The following SLC2A11 variants were observed in gnomAD, a reference collection of about 807,000 sequenced individuals.
The protein encoded by SLC2A11 is solute carrier family 2 member 11.
In SLC2A11, 43 loss-of-function variants were observed where a neutral mutation model predicts 52.1. The ratio of observed to expected loss-of-function variants is 0.82; its 90% CI spans 0.65 to 1.06. SLC2A11 has a LOEUF of 1.06. Among genes scored for constraint, SLC2A11 ranks in the 50% least tolerant of loss-of-function variants. SLC2A11 has a pLI of 0.00. For missense variants in SLC2A11, 582 were observed against 654.2 expected (o/e 0.89, Z 1.20); for synonymous variants, 261 against 277.6 (o/e 0.94, Z 0.59).
chr22:23,884,935 T>G lies in SLC2A11; in HGVS notation c.*86T>G. 21 of 1,087,274 alleles carry G rather than the reference T, an allele frequency of 1.9e-5. No homozygotes were observed. Among genetic ancestry groups the G allele is most frequent in the South Asian group, 4.4e-5 (3 of 68,868 alleles). The allele number at this position is 1,087,274 out of a possible 1,614,324, so 67.4% of individuals were successfully genotyped here. ...GCCCTGGTCCTCACTCCCTCCTGCA[T>G]TCCTCATTTAAGGAGTGTTTATTGA... On this transcript the variant is annotated 3_prime_UTR_variant, in exon 12 of 12. Coordinates refer to ENST00000316185, the MANE Select transcript of SLC2A11 (RefSeq NM_001024939.4). The surrounding 1 kb of genome is among the most constrained non-coding windows in gnomAD (Gnocchi z 4.3).
chr22:23,877,784 G>A lies in SLC2A11; in HGVS notation c.609G>A (p.Ala203=), dbSNP rs1202085649. The A allele has an allele frequency of 1.2e-5, 19 of 1,609,086 alleles. No homozygotes were observed. The highest frequency in any genetic ancestry group is 1.6e-5 in the Non-Finnish European group (19 of 1,178,028). Residue 203 remains alanine (A), a synonymous_variant, in exon 6 of 12, where the codon GCG becomes GCA. Transcript: ENST00000316185. ...TGGCCAGCTGCCTGGTGCCCGGGGC[G>A]CTCCAGCTCGCCTCCCTGCCTCTGC... ...LLLASCLVPG[A]LQLASLPLLP... is the part of the protein sequence containing the mutation.
chr22:23,874,272 A>C (rs993762378), intron 3 of SLC2A11, among the ~76,000 whole-genome samples: 1 of 152,132 alleles, frequency 6.6e-6, no homozygotes, highest in Non-Finnish European at 1.5e-5. Context: ...TGAATCTGAG[A>C]AATTACATAT....
chr22:23,884,190 G>C lies in SLC2A11; in HGVS notation c.1172-112G>C. 3 of 1,487,844 alleles carry C rather than the reference G, an allele frequency of 2.0e-6. No homozygotes were observed. In the Admixed American group the frequency reaches 7.3e-5, roughly 36 times the overall value. The allele number at this position is 1,487,844 out of a possible 1,614,324, so 92.2% of individuals were successfully genotyped here. On this transcript the variant is annotated intron_variant, in intron 10 of 11. Transcript: ENST00000316185. This position sits in a 1 kb window ranked among gnomAD's most constrained non-coding sequence, Gnocchi z 4.3. ...AATGGCAGGAGGAGAGCACTGAGGG[G>C]CCCCCCATACAGACTGGGCCTGGGC...
At position 23,884,965 on chromosome 22, in the gene SLC2A11, C is replaced by A. The variant is rs1025906895; in HGVS notation, c.*116C>A. On this transcript the variant is annotated 3_prime_UTR_variant, in exon 12 of 12. Coordinates refer to ENST00000316185, the MANE Select transcript of SLC2A11 (RefSeq NM_001024939.4). This position sits in a 1 kb window ranked among gnomAD's most constrained non-coding sequence, Gnocchi z 4.3. The stretch of plus-strand genomic sequence containing the variant: ...CATTTAAGGAGTGTTTATTGAGCAC[C>A]CTTTGTGTGCAGACATGGCTCCAGG... The A allele has an allele frequency of 2.5e-6, 2 of 815,604 alleles. No individual in the cohort carries two copies. The highest frequency in any genetic ancestry group is 5.3e-5 in the East Asian group (2 of 37,450). 50.5% of individuals were successfully genotyped at this position (815,604 alleles called of 1,614,324 possible).
chr22:23,861,465 C>T (rs1264835933), intron 1 of SLC2A11, among the ~76,000 whole-genome samples: 2 of 152,202 alleles, frequency 1.3e-5, no homozygotes, highest in Non-Finnish European at 2.9e-5. Context: ...GCTTCATTAT[C>T]TGCAGGTCCA....
intron 2 of SLC2A11, 29 bp downstream of exon 2, chr22:23,862,231 C>T (rs1456978138): frequency 1.2e-6 from 2 of 1,602,442 alleles, no homozygotes; most frequent in Non-Finnish European, 1.7e-6. Flanking sequence ...TGGAGACTGT[C>T]CCTGTCTGAG....
At chr22:23,857,428 C>T, upstream of SLC2A11, 1 of 1,609,466 alleles carries the variant, frequency 6.2e-7, no homozygotes, top group South Asian at 1.1e-5. Context: ...CAGAGATGAG[C>T]TTGGGGCTTA....
chr22:23,875,322 C>T (rs1342542733), intron 4 of SLC2A11, 81 bp downstream of exon 4: 1 of 1,276,314 alleles, frequency 7.8e-7, no homozygotes, highest in Non-Finnish European at 1.0e-6. Flanking sequence ...TTCATTTCTT[C>T]CTTCATTTCC....
chr22:23,856,996 G>A (rs779049600), upstream of SLC2A11: 1 of 1,602,946 alleles, frequency 6.2e-7, no homozygotes, highest in Non-Finnish European at 8.5e-7. Context: ...AGACTGGTGG[G>A]TCTATCTTTC....
chr22:23,859,306 C>T (rs1304943176), intron 1 of SLC2A11, among the ~76,000 whole-genome samples: 1 of 152,212 alleles, frequency 6.6e-6, no homozygotes, highest in African/African-American at 2.4e-5. Context: ...GCAGCCAGGG[C>T]CCCTGTCACC....
intron 3 of SLC2A11, chr22:23,872,278 G>C (rs562422464): frequency 1.3e-5 from 2 of 152,202 alleles, no homozygotes; most frequent in Non-Finnish European, 2.9e-5. Context: ...CTGGGAGGTC[G>C]AGGCTGCAGT....
At chr22:23,862,893 G>T (rs1022453937) in intron 2 of SLC2A11, among the ~76,000 whole-genome samples, 11 of 151,680 alleles carry the variant, frequency 7.3e-5, no homozygotes, top group African/African-American at 2.2e-4. Context: ...AAAGTACTGG[G>T]ATTATAGGCA....
chr22:23,884,610 G>A lies in SLC2A11; in HGVS notation c.1300-39G>A. 1 of 1,590,502 alleles carries A rather than the reference G, an allele frequency of 6.3e-7. No homozygotes were observed. Among genetic ancestry groups the A allele is most frequent in the Non-Finnish European group, 8.6e-7 (1 of 1,167,834 alleles). ...ATGGGCCTTCTGTTTAGGGGTTGAT[G>A]GAGACACACCAGGTCTTGGGGTCTT... On this transcript the variant is annotated intron_variant, in intron 11 of 11. Transcript: ENST00000316185. The surrounding 1 kb of genome is among the most constrained non-coding windows in gnomAD (Gnocchi z 4.3).
chr22:23,875,100 G>A lies in SLC2A11; in HGVS notation c.291-17G>A. 1 of 1,552,998 alleles carries A rather than the reference G, an allele frequency of 6.4e-7. No individual in the cohort carries two copies. The stretch of plus-strand genomic sequence containing the variant: ...TGAATCACAGCCTCTCTTTCTGTGT[G>A]TTTCACTTCCCCCAAGGAAGAAGTC... On this transcript the variant is annotated splice_polypyrimidine_tract_variant and intron_variant, in intron 3 of 11. Coordinates refer to ENST00000316185, the MANE Select transcript of SLC2A11 (RefSeq NM_001024939.4).
chr22:23,857,027 T>A, upstream of SLC2A11: 1 of 1,314,310 alleles, frequency 7.6e-7, no homozygotes, highest in Non-Finnish European at 1.0e-6. Flanking sequence ...AATTTTCCCG[T>A]CCTCTGGGGA....
Position 23,870,119 on chromosome 22 carries a change from C to T in SLC2A11, c.290+1478C>T, listed in dbSNP as rs1432668132. On this transcript the variant is annotated intron_variant, in intron 3 of 11. Coordinates refer to ENST00000316185, the MANE Select transcript of SLC2A11 (RefSeq NM_001024939.4). ...ACTGGATCAGCAAGACTGGATTAGA[C>T]CACTGGGCTCATATCTGCACCGTGG... The T allele has an allele frequency of 4.2e-6, 3 of 709,402 alleles. No individual in the cohort carries two copies. In the African/African-American group the frequency reaches 5.3e-5, roughly 12 times the overall value. The allele number at this position is 709,402 out of a possible 1,614,324, so 43.9% of individuals were successfully genotyped here.
Position 23,884,577 on chromosome 22 carries a change from G to A in SLC2A11, c.1300-72G>A, listed in dbSNP as rs748675334. The A allele has an allele frequency of 3.2e-5, 49 of 1,549,474 alleles. No individual in the cohort carries two copies. The highest frequency in any genetic ancestry group is 1.4e-4 in the African/African-American group (10 of 72,880). On this transcript the variant is annotated intron_variant, in intron 11 of 11. Coordinates refer to ENST00000316185, the MANE Select transcript of SLC2A11 (RefSeq NM_001024939.4). This position sits in a 1 kb window ranked among gnomAD's most constrained non-coding sequence, Gnocchi z 4.3. ...AAGAGGGGGGCAAATGCCTCCTCAC[G>A]ACCTGTCATGGGCCTTCTGTTTAGG...
intron 1 of SLC2A11, among the ~76,000 whole-genome samples, chr22:23,859,676 A>T (rs1032610622): frequency 2.0e-5 from 3 of 152,152 alleles, no homozygotes; most frequent in African/African-American, 7.2e-5. Context: ...TTTAGTAGAG[A>T]CAGGGTTTTA....
At chr22:23,857,349 T>G, upstream of SLC2A11, 8 of 1,372,000 alleles carry the variant, frequency 5.8e-6, no homozygotes, top group Non-Finnish European at 8.1e-6. Context: ...AGTCGCTTGC[T>G]GGCACTTGCG....
Sources: allele counts gnomAD v4.1 joint callset (sites outside exome capture counted in the v4.1 genomes callset), GRCh38; gene constraint gnomAD v4.1.1; non-coding constraint Gnocchi (gnomAD v3.1); transcripts MANE v1.5; gene names NCBI Gene and HGNC (gene_info 2026-07-23, HGNC 2026-07-21).